Variants in OSGEP observed in about 807,000 individuals in gnomAD.
OSGEP encodes the protein O-sialoglycoprotein endopeptidase, also known as tRNA N6-adenosine threonylcarbamoyltransferase.
A neutral mutation model predicts 44.1 loss-of-function variants in OSGEP; 39 were observed. The ratio of observed to expected loss-of-function variants is 0.88; its 90% CI spans 0.69 to 1.16. The LOEUF (loss-of-function observed/expected upper bound fraction) is 1.16. OSGEP is among the 50% of genes most tolerant of loss of function. The pLI is 0.00. For missense variants in OSGEP, 403 were observed against 443.1 expected, an observed-to-expected ratio of 0.91 and a Z score of 0.81; for synonymous variants, 139 against 161.9, an observed-to-expected ratio of 0.86 and a Z score of 1.07.
chr14:20,453,812 A>C (rs1881176837), intron 1 of OSGEP, among the ~76,000 whole-genome samples: 1 of 152,014 alleles, frequency 6.6e-6, no homozygotes, highest in African/African-American at 2.4e-5. Flanking sequence ...ATCTGAGGTC[A>C]GGAGTTCGAG....
In OSGEP at chr14:20,452,148, GC is replaced by G; in HGVS notation, c.236del (p.Gly79AlafsTer29). On this transcript the variant is annotated frameshift_variant and splice_region_variant, in exon 3 of 11. Transcript: ENST00000206542. LOFTEE classifies it high-confidence loss of function. ...AAACCAGTGGGGCACCCATGCCAGG[GC>G]CTAGGGAGATAGAAATGGAAGTTAT... is the stretch of plus-strand genomic sequence containing the variant. ...QDIDCIAYTK[G>X]PGMGAPLVSV... is the part of the protein sequence containing the mutation. 6.2e-7 allele frequency: 1 copy of G among 1,605,930 alleles called. No individual in the cohort carries two copies. Among genetic ancestry groups the G allele is most frequent in the Non-Finnish European group, 8.5e-7 (1 of 1,175,956 alleles).
intron 8 of OSGEP, 28 bp from the exon 9 acceptor site, chr14:20,447,718 C>G (rs770632988): frequency 6.3e-7 from 1 of 1,581,944 alleles, no homozygotes; most frequent in South Asian, 1.1e-5. Context: ...ACAGGATTAG[C>G]TTAGTTTTAG....
intron 3 of OSGEP, chr14:20,450,263 T>C (rs1024943706): frequency 6.6e-6 from 1 of 152,186 alleles, no homozygotes; most frequent in African/African-American, 2.4e-5. Context: ...TATCTGTCCC[T>C]TACTGACACA....
rs774605416 is a variant in OSGEP, at chr14:20,449,236, T to TA, written c.441dup (p.Ile148TyrfsTer12). 6.2e-7 allele frequency: 1 copy of TA among 1,612,796 alleles called. No individual in the cohort carries two copies. Among genetic ancestry groups the TA allele is most frequent in the East Asian group, 2.2e-5 (1 of 44,874 alleles). ...GCAATATCGATGGTTTCCCCAAAGA[T>TA]ACGGTAACGATGTTCCGAGTATGCA... On this transcript the variant is annotated frameshift_variant, in exon 4 of 11. Transcript: ENST00000206542. LOFTEE classifies it high-confidence loss of function.
chr14:20,447,770 C>G (rs1880985520), intron 8 of OSGEP, 80 bp from the exon 9 acceptor site: 2 of 1,293,792 alleles, frequency 1.5e-6, no homozygotes, highest in Non-Finnish European at 2.2e-6. Flanking sequence ...TGTGCACTCA[C>G]TTAGAACAAT....
Position 20,449,030 on chromosome 14 carries a change from A to G in OSGEP, c.508-17T>C. 1 of 1,609,382 alleles carries G rather than the reference A, an allele frequency of 6.2e-7. No individual in the cohort carries two copies. Among genetic ancestry groups the G allele is most frequent in the South Asian group, 1.1e-5 (1 of 91,000 alleles). On this transcript the variant is annotated splice_polypyrimidine_tract_variant and intron_variant, in intron 4 of 10. Transcript: ENST00000206542. ...GTTAGAAATCTAGCAGAAGAAAAAA[A>G]TAAGGAAGGAGGGAATGGAAGAGGA...
rs763161301 is a variant in OSGEP at position 20,447,234 on chromosome 14, A to C, written c.*6T>G. On this transcript the variant is annotated 3_prime_UTR_variant, in exon 11 of 11. Coordinates refer to ENST00000206542, the MANE Select transcript of OSGEP (RefSeq NM_017807.4). Reference sequence around the variant, plus strand: ...GGAACTATCTACTCTGATTCTGTTGATCTTATTAGTCCCTCCAGGTCACCT... The same window carrying C: ...GGAACTATCTACTCTGATTCTGTTGCTCTTATTAGTCCCTCCAGGTCACCT... 1.2e-6 allele frequency: 2 copies of C among 1,612,980 alleles called. No homozygotes were observed. The highest frequency in any genetic ancestry group is 1.7e-6 in the Non-Finnish European group (2 of 1,178,964).
intron 3 of OSGEP, chr14:20,450,935 A>G (rs1041401929): frequency 1.3e-5 from 2 of 152,314 alleles, no homozygotes; most frequent in Non-Finnish European, 2.9e-5. Flanking sequence ...CAACAGGGTG[A>G]AATCCCGTCT....
At chr14:20,448,479 C>A (rs1379518217) in intron 6 of OSGEP, among the ~76,000 whole-genome samples, 2 of 152,104 alleles carry the variant, frequency 1.3e-5, no homozygotes, top group African/African-American at 2.4e-5. Context: ...CCCCCGCCCC[C>A]CATTTAGAAT....
intron 1 of OSGEP, among the ~76,000 whole-genome samples, chr14:20,453,524 G>A (rs1428964430): frequency 6.6e-6 from 1 of 151,944 alleles, no homozygotes; most frequent in Non-Finnish European, 1.5e-5. Flanking sequence ...GCGCCACCAC[G>A]CCCAGTTAAT....
Position 20,452,328 on chromosome 14 carries a change from C to T in OSGEP, c.235+1G>A. The T allele has an allele frequency of 1.9e-6, 3 of 1,613,586 alleles. No individual in the cohort carries two copies. Among genetic ancestry groups the T allele is most frequent in the Non-Finnish European group, 2.5e-6 (3 of 1,179,890 alleles). On this transcript the variant is annotated splice_donor_variant, in intron 2 of 10. Transcript: ENST00000206542. LOFTEE classifies it high-confidence loss of function. ...ATCGTTGACCACTCTCCCAGCCATA[C>T]CCTTGGTGTATGCAATGCAGTCGAT...
chr14:20,451,173 A>C lies in OSGEP; in HGVS notation c.411+801T>G, dbSNP rs1881086988. ...TTCTATAATTTACAAAGTATTTTTT[A>C]AAGTTATTTATATTTCTAAACTCTT... On this transcript the variant is annotated intron_variant, in intron 3 of 10. Coordinates refer to ENST00000206542, the MANE Select transcript of OSGEP (RefSeq NM_017807.4). 1.9e-5 allele frequency: 3 copies of C among 154,410 alleles called. No individual in the cohort carries two copies. The Admixed American group carries it at 2.0e-4, about 10-fold the overall frequency. The allele number at this position is 154,410 out of a possible 1,614,324, so 9.6% of individuals were successfully genotyped here.
chr14:20,448,038 G>C (rs779397741), intron 7 of OSGEP, 44 bp from the exon 8 acceptor site: 1 of 1,584,582 alleles, frequency 6.3e-7, no homozygotes, highest in South Asian at 1.1e-5. Flanking sequence ...GGGCATCCCA[G>C]ATTAGTTCTG....
Position 20,447,309 on chromosome 14 carries a change from G to A in OSGEP, c.969-30C>T, listed in dbSNP as rs975960969. On this transcript the variant is annotated intron_variant, in intron 10 of 10. Coordinates refer to ENST00000206542, the MANE Select transcript of OSGEP (RefSeq NM_017807.4). ...GGAAAAACAGAAGAAACATGGTGGA[G>A]AGCGAGCCCTTAACATCCTTCATTC... 1.9e-6 allele frequency: 3 copies of A among 1,613,728 alleles called. No individual in the cohort carries two copies. In the African/African-American group the frequency reaches 4.0e-5, roughly 22 times the overall value.
At chr14:20,449,424 GCT>G in intron 3 of OSGEP, 158 bp from the exon 4 acceptor site, 1 of 618,568 alleles carries the variant, frequency 1.6e-6, no homozygotes, top group South Asian at 1.8e-5. Context: ...AGTTTTTACA[GCT>G]CTGATTTGAG....
chr14:20,448,581 A>T (rs965357382), intron 6 of OSGEP, 152 bp downstream of exon 6: 4 of 636,218 alleles, frequency 6.3e-6, no homozygotes, highest in Non-Finnish European at 1.1e-5. Flanking sequence ...TATTCAATGA[A>T]TACCTTCTAA....
chr14:20,454,783 G>A lies in OSGEP; in HGVS notation c.-100C>T, dbSNP rs565168752. The A allele has an allele frequency of 8.2e-6, 7 of 853,428 alleles. No individual in the cohort carries two copies. The highest frequency in any genetic ancestry group is 5.6e-6 in the Non-Finnish European group (3 of 534,862). 52.9% of individuals were successfully genotyped at this position (853,428 alleles called of 1,614,324 possible). A position where few individuals can be genotyped will look rare whatever the true frequency, so the allele number is the denominator to read the frequency against. ...CTGGGCCGCAGCTTTCCGGAGCGCA[G>A]AGGAAGCTGGCCAGCCTGCAGATAG... is the stretch of plus-strand genomic sequence containing the variant. On this transcript the variant is annotated 5_prime_UTR_variant, in exon 1 of 11. Coordinates refer to ENST00000206542, the MANE Select transcript of OSGEP (RefSeq NM_017807.4).
intron 3 of OSGEP, chr14:20,450,528 C>CT (rs61437846): frequency 0.59 from 90,205 of 152,028 alleles, 26,932 homozygotes; most frequent in Middle Eastern, 0.62. Context: ...GTCACTGCTC[C>CT]TTTCATCAAC....
At chr14:20,454,470 T>G in intron 1 of OSGEP, 99 bp downstream of exon 1, 2 of 853,914 alleles carry the variant, frequency 2.3e-6, no homozygotes, top group East Asian at 2.4e-5. Flanking sequence ...TCAATGAGAC[T>G]CGGATCGAAA....
Sources: allele counts gnomAD v4.1 joint callset (sites outside exome capture counted in the v4.1 genomes callset), GRCh38; gene constraint gnomAD v4.1.1; transcripts MANE v1.5; gene names NCBI Gene and HGNC (gene_info 2026-07-23, HGNC 2026-07-21).